PCLO: variants seen among roughly 807,000 people sequenced by gnomAD.
PCLO encodes protein piccolo.
PCLO carries 82 observed loss-of-function variants against 427.5 expected under a neutral mutation model. That is an observed-to-expected ratio of 0.19 (90% CI 0.16 to 0.23). PCLO has a LOEUF of 0.23. Among genes scored for constraint, PCLO ranks in the 10% least tolerant of loss-of-function variants. PCLO has a pLI of 1.00. For missense variants in PCLO, 6,239 were observed against 6,115.9 expected (o/e 1.02, Z -0.67); for synonymous variants, 2,357 against 2,155.4 (o/e 1.09, Z -2.59).
intron 3 of PCLO, among the ~76,000 whole-genome samples, chr7:83,003,834 T>C (rs28449172): frequency 0.024 from 3,707 of 151,788 alleles, 152 homozygotes; most frequent in African/African-American, 0.085. Context: ...CTGGCTTTCA[T>C]ATCGGGGTAA....
intron 3 of PCLO, among the ~76,000 whole-genome samples, chr7:83,050,850 C>G (rs939787368): frequency 4.6e-5 from 7 of 151,788 alleles, no homozygotes; most frequent in African/African-American, 1.7e-4. Flanking sequence ...GAGGTGGAGG[C>G]TGCAGTGAGC....
intron 20 of PCLO, chr7:82,821,065 T>C (rs534010211): frequency 4.0e-5 from 45 of 1,134,690 alleles, no homozygotes; most frequent in Admixed American, 4.9e-5. Context: ...AGCTTTAAAT[T>C]TGGGGATGTT....
At chr7:82,819,433 G>A (rs1057417225) in intron 20 of PCLO, among the ~76,000 whole-genome samples, 6 of 151,984 alleles carry the variant, frequency 3.9e-5, no homozygotes, top group African/African-American at 1.4e-4. Flanking sequence ...AATAAGGTGT[G>A]AAATAAGGGA....
chr7:83,107,041 T>C (rs924792323), intron 3 of PCLO, among the ~76,000 whole-genome samples: 1 of 152,164 alleles, frequency 6.6e-6, no homozygotes, highest in South Asian at 2.1e-4. Flanking sequence ...TTTTTACCTA[T>C]CTCTTTCAGA....
Position 82,824,361 on chromosome 7 carries a change from G to C in PCLO, c.14471C>G (p.Pro4824Arg). ...AATGCTTTCAGTCTGTTCTTTGAGA[G>C]GATACCACCTTGGAGTGTTATCGAG... ...SHLDNTPRWY[P>R]LKEQTESIDH... is the part of the protein sequence containing the mutation. The change falls in exon 19 of 25, where the codon CCT becomes CGT. Residue 4824 changes from proline to arginine, a missense_variant. Pro to Arg is a moderately radical substitution (Grantham distance 103). Around this residue, in one of 5 missense-constraint regions of PCLO, gnomAD observed 877 missense variants for 925.5 expected, o/e 0.95. Coordinates refer to ENST00000333891, the MANE Select transcript of PCLO (RefSeq NM_033026.6). 6.2e-7 allele frequency: 1 copy of C among 1,612,612 alleles called. No individual in the cohort carries two copies. The highest frequency in any genetic ancestry group is 8.5e-7 in the Non-Finnish European group (1 of 1,179,154).
intron 3 of PCLO, among the ~76,000 whole-genome samples, chr7:83,117,991 T>A (rs1410341223): frequency 6.6e-6 from 1 of 152,070 alleles, no homozygotes; most frequent in Non-Finnish European, 1.5e-5. Flanking sequence ...AACTAAAGAA[T>A]CTAGGAACAT....
intron 2 of PCLO, among the ~76,000 whole-genome samples, chr7:83,143,076 T>C (rs1462060161): frequency 6.6e-6 from 1 of 152,248 alleles, no homozygotes; most frequent in African/African-American, 2.4e-5. Flanking sequence ...TCTCATCATA[T>C]TATTTTAAAA....
intron 17 of PCLO, 123 bp downstream of exon 17, chr7:82,827,750 T>C: frequency 1.8e-6 from 1 of 552,268 alleles, no homozygotes. Flanking sequence ...TTCTTACATG[T>C]ATTTTACTCA....
intron 10 of PCLO, among the ~76,000 whole-genome samples, chr7:82,856,456 C>A (rs1239193738): frequency 6.6e-6 from 1 of 152,002 alleles, no homozygotes; most frequent in Non-Finnish European, 1.5e-5. Context: ...GGTATAGATG[C>A]CAAAAGCCAC....
At chr7:83,057,233 CA>C (rs539605233) in intron 3 of PCLO, among the ~76,000 whole-genome samples, 1 of 136,678 alleles carries the variant, frequency 7.3e-6, no homozygotes, top group Admixed American at 8.0e-5. Context: ...CTAGTAGAGA[CA>C]GGGGTCTCAC....
At chr7:82,923,398 A>G (rs1017336346) in intron 6 of PCLO, among the ~76,000 whole-genome samples, 33 of 152,164 alleles carry the variant, frequency 2.2e-4, no homozygotes, top group African/African-American at 7.2e-4. Flanking sequence ...CAGAAAAAAA[A>G]AGTTCAAAAG....
chr7:82,885,664 T>TGATA (rs1336103369), intron 9 of PCLO, among the ~76,000 whole-genome samples: 8 of 151,930 alleles, frequency 5.3e-5, no homozygotes, highest in Non-Finnish European at 1.0e-4. Context: ...GATTGAGCAG[T>TGATA]GATAGAGGGT....
intron 10 of PCLO, chr7:82,848,794 A>G (rs1051729456): frequency 2.7e-5 from 7 of 258,676 alleles, no homozygotes; most frequent in African/African-American, 1.3e-4. Flanking sequence ...CTTTTACACT[A>G]TAGTCAAATG....
At chr7:83,039,854 T>C (rs1788928572) in intron 3 of PCLO, among the ~76,000 whole-genome samples, 1 of 152,160 alleles carries the variant, frequency 6.6e-6, no homozygotes, top group Admixed American at 6.6e-5. Context: ...CAGTAATGTT[T>C]TGTAGTTTTC....
chr7:82,823,639 A>C (rs562593679), intron 19 of PCLO, among the ~76,000 whole-genome samples: 1 of 152,310 alleles, frequency 6.6e-6, no homozygotes, highest in African/African-American at 2.4e-5. Context: ...AACCCAATGT[A>C]TGGCACTGTT....
chr7:83,004,232 G>C (rs1045011045), intron 3 of PCLO, among the ~76,000 whole-genome samples: 12 of 151,742 alleles, frequency 7.9e-5, no homozygotes, highest in Admixed American at 3.3e-4. Flanking sequence ...AAAGGTATAG[G>C]TATCATACTT....
chr7:82,955,360 A>G lies in PCLO; in HGVS notation c.5593T>C (p.Ser1865Pro). The part of the protein sequence containing the change: ...SCSEYSPSIE[S>P]DPEGFEISPE... ...CTTATTTCAAAACCTTCTGGGTCTG[A>G]CTCTATGCTAGGTGAATATTCAGAA... The change falls in exon 5 of 25, where the codon TCA (serine) becomes CCA (proline). Residue 1865 changes from serine (S) to proline (P), a missense_variant. Ser to Pro is a moderately conservative substitution (Grantham distance 74). This residue lies in a region of PCLO where 4,677 missense variants were observed against 4,468.4 expected (regional missense o/e 1.05). Transcript: ENST00000333891. The G allele has an allele frequency of 1.2e-6, 2 of 1,613,566 alleles. No individual in the cohort carries two copies. The highest frequency in any genetic ancestry group is 1.7e-6 in the Non-Finnish European group (2 of 1,179,738).
At position 82,999,740 on chromosome 7, in the gene PCLO, A is replaced by G. The variant is rs1486330273; in HGVS notation, c.3301-33253T>C. Among the ~76,000 whole-genome samples, 10 of 106,436 alleles carry G rather than the reference A, an allele frequency of 9.4e-5. 1 individual carries two copies. Among genetic ancestry groups the G allele is most frequent in the Non-Finnish European group, 1.5e-4 (8 of 52,572 alleles). 69.8% of individuals were successfully genotyped at this position (106,436 alleles called of 152,430 possible). On this transcript the variant is annotated intron_variant, in intron 3 of 24. Coordinates refer to ENST00000333891, the MANE Select transcript of PCLO (RefSeq NM_033026.6). The stretch of plus-strand genomic sequence containing the variant: ...TAATATATAATATTAAATATAAAAT[A>G]TAATATATAATATTATATATAAAAT...
chr7:82,825,897 A>T (rs1270528630), intron 18 of PCLO, among the ~76,000 whole-genome samples: 1 of 148,610 alleles, frequency 6.7e-6, no homozygotes, highest in Non-Finnish European at 1.5e-5. Flanking sequence ...TACATATAAT[A>T]TTCCTATATA....
Sources: gnomAD v4.1 joint callset for allele counts (sites outside exome capture counted in the v4.1 genomes callset) on GRCh38, gnomAD v4.1.1 for gene constraint, gnomAD v4.1.1 regional missense constraint, MANE v1.5 for transcripts, NCBI Gene and HGNC (gene_info 2026-07-23, HGNC 2026-07-21) for gene names.